The following THSD7B variants were observed in gnomAD, a reference collection of about 807,000 sequenced individuals.
THSD7B encodes the protein thrombospondin type-1 domain-containing protein 7B.
In THSD7B, 138 loss-of-function variants were observed where a neutral mutation model predicts 213.6. That is an observed-to-expected ratio of 0.65 (90% CI 0.56 to 0.74). The LOEUF (loss-of-function observed/expected upper bound fraction) is 0.74, where lower values mean the gene tolerates loss of function less well. Ranked by LOEUF, THSD7B falls within the 30% of genes least tolerant of loss-of-function variation. The pLI is 0.00. For missense variants in THSD7B, 1,931 were observed against 1,991.5 expected (o/e 0.97, Z 0.58); for synonymous variants, 742 against 687.0 (o/e 1.08, Z -1.25).
chr2:137,291,142 C>A (rs1003548728), intron 12 of THSD7B, among the ~76,000 whole-genome samples: 1 of 152,110 alleles, frequency 6.6e-6, no homozygotes, highest in African/African-American at 2.4e-5. Context: ...AATCTACAAA[C>A]GCTCATCAGC....
intron 27 of THSD7B, among the ~76,000 whole-genome samples, chr2:137,670,372 A>G (rs973313276): frequency 2.0e-5 from 3 of 152,136 alleles, no homozygotes; most frequent in African/African-American, 7.2e-5. Context: ...GGAGCCCAAA[A>G]AACTCTTTCA....
intron 20 of THSD7B, among the ~76,000 whole-genome samples, chr2:137,621,212 T>C (rs1682512889): frequency 6.6e-6 from 1 of 152,176 alleles, no homozygotes; most frequent in Non-Finnish European, 1.5e-5. Flanking sequence ...CAAGTTACTC[T>C]GGATGGTGAT....
chr2:136,922,843 A>T (rs966678203), intron 2 of THSD7B, among the ~76,000 whole-genome samples: 2 of 152,162 alleles, frequency 1.3e-5, no homozygotes, highest in African/African-American at 4.8e-5. Flanking sequence ...GAGTCCACTG[A>T]TGTCTTTTAA....
chr2:136,853,085 T>C (rs1448210833), intron 1 of THSD7B, among the ~76,000 whole-genome samples: 3 of 152,004 alleles, frequency 2.0e-5, no homozygotes, highest in Non-Finnish European at 4.4e-5. Context: ...CATGTGCGTG[T>C]GTTTGTGAAT....
At chr2:137,259,926 G>A (rs200024858) in intron 10 of THSD7B, among the ~76,000 whole-genome samples, 2 of 151,278 alleles carry the variant, frequency 1.3e-5, no homozygotes, top group Non-Finnish European at 3.0e-5. Context: ...TGTGCGTGTG[G>A]GTGTGTGCGT....
chr2:137,358,938 T>C lies in THSD7B; in HGVS notation c.2501-46675T>C, dbSNP rs542907160. On this transcript the variant is annotated intron_variant, in intron 12 of 27. Coordinates refer to ENST00000409968, the MANE Select transcript of THSD7B (RefSeq NM_001316349.2). ...TGTAGGCTCCCTGAGTGCCTGCAGC[T>C]TTGTTAAAAGAAGGCTTTTACTTAT... 2.3e-4 allele frequency among the ~76,000 whole-genome samples: 35 copies of C among 152,344 alleles called. No homozygotes were observed. In the South Asian group the frequency reaches 3.1e-3, roughly 14 times the overall value.
chr2:137,411,765 G>A lies in THSD7B; in HGVS notation c.2852G>A (p.Arg951Gln), dbSNP rs377312622. Reference sequence around the variant, plus strand: ...AGAAGGGAGCCTCACCGAGGACTGCGGGTACAAGCAGACAGCAAAGAATGT... The same window carrying A: ...AGAAGGGAGCCTCACCGAGGACTGCAGGTACAAGCAGACAGCAAAGAATGT... ...EGRREPHRGLRVQADSKECGE... is the reference protein window; with the variant it reads ...EGRREPHRGLQVQADSKECGE... Residue 951 changes from arginine (R) to glutamine (Q), a missense_variant, in exon 14 of 28, where the codon CGG becomes CAG. By Grantham distance (43) the Arg-to-Gln change is conservative (BLOSUM62 1). Transcript: ENST00000409968. 1.1e-5 allele frequency: 17 copies of A among 1,613,800 alleles called. No homozygotes were observed. Among genetic ancestry groups the A allele is most frequent in the East Asian group, 6.7e-5 (3 of 44,862 alleles).
chr2:136,988,662 T>G (rs1437889007), intron 2 of THSD7B, among the ~76,000 whole-genome samples: 1 of 152,204 alleles, frequency 6.6e-6, no homozygotes, highest in Non-Finnish European at 1.5e-5. Flanking sequence ...GAGAAGTCTC[T>G]CATGGATTTC....
At chr2:137,072,639 T>C (rs1044485878) in intron 3 of THSD7B, among the ~76,000 whole-genome samples, 4 of 152,146 alleles carry the variant, frequency 2.6e-5, no homozygotes, top group African/African-American at 7.2e-5. Context: ...TCCAACACTG[T>C]GTTGAATAGG....
intron 15 of THSD7B, among the ~76,000 whole-genome samples, chr2:137,487,046 G>T (rs1688463797): frequency 6.6e-6 from 1 of 150,834 alleles, no homozygotes; most frequent in Non-Finnish European, 1.5e-5. Context: ...AAGCAGAAAA[G>T]ATCCAAAATT....
intron 15 of THSD7B, chr2:137,479,401 TCTGGCTTCC>T (rs1179289692): frequency 3.6e-6 from 1 of 278,564 alleles, no homozygotes; most frequent in Non-Finnish European, 7.4e-6. Flanking sequence ...GGGCCTGTCC[TCTGGCTTCC>T]CAGTGGTGCA....
Position 137,170,722 on chromosome 2 carries a change from C to G in THSD7B, c.1526-19C>G. On this transcript the variant is annotated intron_variant, in intron 6 of 27. Coordinates refer to ENST00000409968, the MANE Select transcript of THSD7B (RefSeq NM_001316349.2). ...AAAAGAGTGGAATTCTCTGAAAATT[C>G]TTTTCTCTCTCTTTTTAGGATTTAG... 1 of 1,598,816 alleles carries G rather than the reference C, an allele frequency of 6.3e-7. No individual in the cohort carries two copies. The highest frequency in any genetic ancestry group is 8.5e-7 in the Non-Finnish European group (1 of 1,171,428).
chr2:136,857,646 T>C (rs1465332640), intron 1 of THSD7B, among the ~76,000 whole-genome samples: 1 of 152,140 alleles, frequency 6.6e-6, no homozygotes, highest in Non-Finnish European at 1.5e-5. Context: ...CACGAATGAA[T>C]TTAAGCTTAC....
In THSD7B at chr2:137,462,248, G is replaced by A. The variant is rs370947142; in HGVS notation, c.3138+11225G>A. The stretch of plus-strand genomic sequence containing the variant: ...AGTTAGTCACTTAGTAGTCCTCTTG[G>A]TTATCAGATTGAGGAAGAAAAATAA... On this transcript the variant is annotated intron_variant, in intron 15 of 27. Coordinates refer to ENST00000409968, the MANE Select transcript of THSD7B (RefSeq NM_001316349.2). Among the ~76,000 whole-genome samples the A allele has an allele frequency of 7.3e-5, 11 of 150,570 alleles. No homozygotes were observed. In the South Asian group the frequency reaches 2.4e-3, roughly 33 times the overall value.
intron 5 of THSD7B, among the ~76,000 whole-genome samples, chr2:137,128,717 T>C (rs879367951): frequency 2.6e-5 from 4 of 152,196 alleles, no homozygotes; most frequent in Non-Finnish European, 5.9e-5. Context: ...TTCCCTAACC[T>C]GAAAGTTAAT....
intron 10 of THSD7B, among the ~76,000 whole-genome samples, chr2:137,261,245 G>A (rs751072109): frequency 7.0e-5 from 10 of 142,192 alleles, no homozygotes; most frequent in Non-Finnish European, 1.6e-4. Context: ...ATGCTTAGGT[G>A]AGAGTGGGGT....
chr2:137,399,710 C>T (rs188409253), intron 12 of THSD7B, among the ~76,000 whole-genome samples: 3 of 152,090 alleles, frequency 2.0e-5, no homozygotes, highest in Admixed American at 2.0e-4. Flanking sequence ...TTGAGGATTG[C>T]TGGGCCTTCT....
chr2:137,037,005 G>C (rs1374168152), intron 2 of THSD7B, among the ~76,000 whole-genome samples: 6 of 152,078 alleles, frequency 3.9e-5, no homozygotes, highest in African/African-American at 1.4e-4. Flanking sequence ...ATGAAACATT[G>C]TTTCCTGATT....
chr2:137,152,797 C>T (rs770932923), intron 5 of THSD7B, among the ~76,000 whole-genome samples: 2 of 151,880 alleles, frequency 1.3e-5, no homozygotes, highest in South Asian at 4.2e-4. Context: ...TTGAAAGCTC[C>T]CCTTCCCTCA....
Sources: gnomAD v4.1 joint callset for allele counts (sites outside exome capture counted in the v4.1 genomes callset) on GRCh38, gnomAD v4.1.1 for gene constraint, MANE v1.5 for transcripts, NCBI Gene and HGNC (gene_info 2026-07-23, HGNC 2026-07-21) for gene names.